The following TTN variants were observed in gnomAD, a reference collection of about 807,000 sequenced individuals.
The protein encoded by TTN is connectin.
TTN carries 1,525 observed loss-of-function variants against 3,223.0 expected under a neutral mutation model. That is an observed-to-expected ratio of 0.47 (90% CI 0.45 to 0.49). The LOEUF (loss-of-function observed/expected upper bound fraction) is 0.49, where lower values mean the gene tolerates loss of function less well. TTN is among the 20% of genes least tolerant of loss of function. The probability of loss-of-function intolerance (pLI) is 0.00; values close to 1 mark genes in which losing one functional copy is unlikely to be tolerated. For missense variants in TTN, 40,786 were observed against 43,424.0 expected (o/e 0.94, Z 5.40); for synonymous variants, 14,094 against 15,161.0 (o/e 0.93, Z 5.17).
Position 178,747,398 on chromosome 2 carries a change from T to A in TTN, c.11312-5477A>T, listed in dbSNP as rs727504519. On this transcript the variant is annotated intron_variant, in intron 47 of 362. Coordinates refer to ENST00000589042, the MANE Select transcript of TTN (RefSeq NM_001267550.2). The stretch of plus-strand genomic sequence containing the variant: ...AGGATTAAAATATAAGTCAGGGGAC[T>A]TTGGAGATTCAAAATATTCAACAGA... The A allele has an allele frequency of 2.5e-6, 4 of 1,613,394 alleles. No homozygotes were observed. Among genetic ancestry groups the A allele is most frequent in the Non-Finnish European group, 3.4e-6 (4 of 1,179,606 alleles).
chr2:178,645,830 A>G (rs956509518), intron 217 of TTN, 90 bp downstream of exon 217: 25 of 785,504 alleles, frequency 3.2e-5, no homozygotes, highest in Middle Eastern at 5.2e-4. Flanking sequence ...CACACTTCTA[A>G]AAGTCATACA....
At position 178,587,582 on chromosome 2, in the gene TTN, T is replaced by A; in HGVS notation, c.63727A>T (p.Lys21243Ter). 1 of 1,612,580 alleles carries A rather than the reference T, an allele frequency of 6.2e-7. No homozygotes were observed. Residue 21243 changes from lysine (K) to a stop codon, truncating the protein, a stop_gained, in exon 306 of 363, where the codon AAA (lysine) becomes TAA (stop). Coordinates refer to ENST00000589042, the MANE Select transcript of TTN (RefSeq NM_001267550.2). LOFTEE classifies it high-confidence loss of function. Reference sequence around the variant, plus strand: ...GGGTTCACAAGTGTTAAGGAATATTTTCCTGAGTCATCACGGGTAGAATTG... The same window carrying A: ...GGGTTCACAAGTGTTAAGGAATATTATCCTGAGTCATCACGGGTAGAATTG... ...IPNSTRDDSG[K>*]YSLTLVNPAG...
intron 45 of TTN, among the ~76,000 whole-genome samples, chr2:178,757,162 A>AATACTGTACTTGCTTTAAGTAC (rs2087335508): frequency 1.3e-5 from 2 of 151,150 alleles, no homozygotes; most frequent in African/African-American, 2.5e-5. Context: ...TAAGTACAGT[A>AATACTGTACTTGCTTTAAGTAC]AGTAATACTG....
Position 178,598,547 on chromosome 2 carries a change from T to C in TTN, c.57070A>G (p.Ile19024Val), listed in dbSNP as rs876658068. The change falls in exon 292 of 363, where the codon ATC becomes GTC. Residue 19024 changes from isoleucine (I) to valine (V), a missense_variant. Ile to Val is a conservative substitution (Grantham distance 29, BLOSUM62 3). Transcript: ENST00000589042. Reference sequence around the variant, plus strand: ...TTTCCTTCTTCTTTATATTCAACGATGTATCCAGTTACTTTGGATCCACCA... The same window carrying C: ...TTTCCTTCTTCTTTATATTCAACGACGTATCCAGTTACTTTGGATCCACCA... Reference protein sequence around the residue: ...KDGGSKVTGYIVEYKEEGKEE... With the variant: ...KDGGSKVTGYVVEYKEEGKEE... 6 of 1,609,442 alleles carry C rather than the reference T, an allele frequency of 3.7e-6. No individual in the cohort carries two copies. The highest frequency in any genetic ancestry group is 3.4e-5 in the Admixed American group (2 of 58,960).
intron 31 of TTN, 51 bp downstream of exon 31, chr2:178,773,785 GTT>G (rs1475682587): frequency 6.2e-7 from 1 of 1,613,912 alleles, no homozygotes; most frequent in African/African-American, 1.3e-5. Context: ...GCTCCTTGAA[GTT>G]CTTTATGTTG....
In TTN at chr2:178,547,993, G is replaced by A. The variant is rs1362462843; in HGVS notation, c.93633C>T (p.Ile31211=). The A allele has an allele frequency of 3.1e-6, 5 of 1,613,478 alleles. No homozygotes were observed. In the African/African-American group the frequency reaches 4.0e-5, roughly 13 times the overall value. The change falls in exon 339 of 363, where the codon ATC becomes ATT. Residue 31211 remains isoleucine, a synonymous_variant. Coordinates refer to ENST00000589042, the MANE Select transcript of TTN (RefSeq NM_001267550.2). ...FSSVIIKEPQ[I]EPTADLTGIT... ...TTCCAGTGAGGTCAGCAGTGGGCTC[G>A]ATTTGAGGCTCCTTAATGATGACAG...
At chr2:178,747,265 A>G (rs2154326705) in intron 47 of TTN, 1 of 1,612,824 alleles carries the variant, frequency 6.2e-7, no homozygotes, top group Non-Finnish European at 8.5e-7. Flanking sequence ...CTCCTACCTC[A>G]CCTTCGGAAG....
At chr2:178,688,923 A>G (rs2071578799) in intron 125 of TTN, 130 bp downstream of exon 125, 3 of 1,199,070 alleles carry the variant, frequency 2.5e-6, no homozygotes, top group South Asian at 1.4e-5. Context: ...CATAAACACA[A>G]AAGTTTCACT....
rs1553999983 is a variant in TTN, at chr2:178,773,207, A to AT, written c.7756dup (p.Ile2586AsnfsTer3). ...CATATTTAGAACTGTCAATTTATATATTTTTCCATGTGCTTCAATTTTATA... is the reference window on the plus strand; with the variant it reads ...CATATTTAGAACTGTCAATTTATATATTTTTTCCATGTGCTTCAATTTTATA... On this transcript the variant is annotated frameshift_variant, in exon 33 of 363. Coordinates refer to ENST00000589042, the MANE Select transcript of TTN (RefSeq NM_001267550.2). LOFTEE classifies it high-confidence loss of function. 6.2e-7 allele frequency: 1 copy of AT among 1,613,638 alleles called. No homozygotes were observed. Among genetic ancestry groups the AT allele is most frequent in the Non-Finnish European group, 8.5e-7 (1 of 1,179,854 alleles).
rs772354003 is a variant in TTN at position 178,749,641 on chromosome 2, A to G, written c.11311+3483T>C. The G allele has an allele frequency of 8.1e-6, 13 of 1,612,602 alleles. No homozygotes were observed. Among genetic ancestry groups the G allele is most frequent in the South Asian group, 4.4e-5 (4 of 90,970 alleles). On this transcript the variant is annotated intron_variant, in intron 47 of 362. Coordinates refer to ENST00000589042, the MANE Select transcript of TTN (RefSeq NM_001267550.2). ...TATTTTCGAATTGACTATTTTCTCT[A>G]TAAGTGACAGGCTCCACTGTTAGAT... is the stretch of plus-strand genomic sequence containing the variant.
Position 178,756,697 on chromosome 2 carries a change from T to C in TTN, c.10779A>G (p.Ile3593Met). 3 of 1,613,868 alleles carry C rather than the reference T, an allele frequency of 1.9e-6. No homozygotes were observed. Among genetic ancestry groups the C allele is most frequent in the South Asian group, 2.2e-5 (2 of 91,088 alleles). ...GAAATGACTTAATTTCCTTTTGAGA[T>C]ATTTTGCTCTCCTCCTTTGTGAAAG... Reference protein sequence around the residue: ...DSSFTKEESKISQKEIKSFQG... With the variant: ...DSSFTKEESKMSQKEIKSFQG... Residue 3593 changes from isoleucine (I) to methionine (M), a missense_variant, in exon 46 of 363, where the codon ATA becomes ATG. Transcript: ENST00000589042.
chr2:178,790,855 A>G lies in TTN; in HGVS notation c.1663-10T>C. 2 of 1,613,924 alleles carry G rather than the reference A, an allele frequency of 1.2e-6. No individual in the cohort carries two copies. The highest frequency in any genetic ancestry group is 1.7e-6 in the Non-Finnish European group (2 of 1,179,952). Reference sequence around the variant, plus strand: ...CAGTTTCCTGTCTTATCTGATGTTTAGAGTAAAATAAAGATTTGAGTTTCA... The same window carrying G: ...CAGTTTCCTGTCTTATCTGATGTTTGGAGTAAAATAAAGATTTGAGTTTCA... On this transcript the variant is annotated splice_polypyrimidine_tract_variant and intron_variant, in intron 10 of 362. Coordinates refer to ENST00000589042, the MANE Select transcript of TTN (RefSeq NM_001267550.2).
intron 125 of TTN, 105 bp downstream of exon 125, chr2:178,688,948 G>A: frequency 8.0e-7 from 1 of 1,244,746 alleles, no homozygotes. Flanking sequence ...GTGAGACAAT[G>A]GATCAGTATA....
rs1235957959 is a variant in TTN at position 178,534,983 on chromosome 2, G to A, written c.101632C>T (p.Leu33878Phe). The A allele has an allele frequency of 6.2e-7, 1 of 1,613,538 alleles. No individual in the cohort carries two copies. Among genetic ancestry groups the A allele is most frequent in the Non-Finnish European group, 8.5e-7 (1 of 1,179,800 alleles). The change falls in exon 358 of 363, where the codon CTC becomes TTC. Residue 33878 changes from leucine (L) to phenylalanine (F), a missense_variant. Leu to Phe is a conservative substitution (Grantham distance 22, BLOSUM62 0). Coordinates refer to ENST00000589042, the MANE Select transcript of TTN (RefSeq NM_001267550.2). Reference sequence around the variant, plus strand: ...TCCATGCTTTCAAATGATTCATGGAGGTGTAAGATGTTTCTATGCCTAGCA... The same window carrying A: ...TCCATGCTTTCAAATGATTCATGGAAGTGTAAGATGTTTCTATGCCTAGCA... ...NIARHRNILH[L>F]HESFESMEEL...
Position 178,532,950 on chromosome 2 carries a change from T to G in TTN, c.103665A>C (p.Glu34555Asp), listed in dbSNP as rs772111069. 3 of 1,613,802 alleles carry G rather than the reference T, an allele frequency of 1.9e-6. No homozygotes were observed. The highest frequency in any genetic ancestry group is 1.7e-6 in the Non-Finnish European group (2 of 1,179,766). ...PRKYKQTTIEEDQRIKQFVPM... is the reference protein window; with the variant it reads ...PRKYKQTTIEDDQRIKQFVPM... The stretch of plus-strand genomic sequence containing the variant: ...GCACGAACTGCTTGATGCGTTGGTC[T>G]TCTTCTATGGTAGTCTGCTTATACT... The change falls in exon 358 of 363, where the codon GAA (glutamate) becomes GAC (aspartate). Residue 34555 changes from glutamate to aspartate, a missense_variant. Physicochemically the swap from Glu to Asp is conservative, Grantham distance 45. Transcript: ENST00000589042.
chr2:178,611,737 T>G, intron 268 of TTN, 21 bp downstream of exon 268: 1 of 1,611,322 alleles, frequency 6.2e-7, no homozygotes. Flanking sequence ...CAATATCTTG[T>G]GTATAATCAG....
rs766117970 is a variant in TTN, at chr2:178,530,783, G to T, written c.105832C>A (p.Gln35278Lys). 6.2e-7 allele frequency: 1 copy of T among 1,613,874 alleles called. No individual in the cohort carries two copies. The highest frequency in any genetic ancestry group is 1.1e-5 in the South Asian group (1 of 91,062). ...ETKPTPTEKV[Q>K]HLPVSAPPKI... Reference sequence around the variant, plus strand: ...GGTGGGGCAGAGACTGGGAGGTGCTGAACTTTCTCTGTTGGTGTTGGTTTT... The same window carrying T: ...GGTGGGGCAGAGACTGGGAGGTGCTTAACTTTCTCTGTTGGTGTTGGTTTT... The change falls in exon 358 of 363, where the codon CAG (glutamine) becomes AAG (lysine). Residue 35278 changes from glutamine to lysine, a missense_variant. Transcript: ENST00000589042.
chr2:178,600,798 A>G (rs777529964), intron 288 of TTN, 56 bp downstream of exon 288: 30 of 1,599,878 alleles, frequency 1.9e-5, no homozygotes, highest in Non-Finnish European at 2.5e-5. Flanking sequence ...CTATTATTGA[A>G]CACCTAGGAA....
rs1300155629 is a variant in TTN, at chr2:178,538,779, A to T, written c.99050T>A (p.Leu33017Gln). The change falls in exon 354 of 363, where the codon CTA becomes CAA. Residue 33017 changes from leucine (L) to glutamine (Q), a missense_variant. Physicochemically the swap from Leu to Gln is moderately radical, Grantham distance 113. Coordinates refer to ENST00000589042, the MANE Select transcript of TTN (RefSeq NM_001267550.2). ...ATCACATTCAGGTTTCTCCCACTGT[A>T]GAGTGACACTATCTTTGGATATTGA... ...ILSISKDSVT[L>Q]QWEKPECDGG... 3 of 1,613,692 alleles carry T rather than the reference A, an allele frequency of 1.9e-6. No individual in the cohort carries two copies. The South Asian group carries it at 3.3e-5, about 18-fold the overall frequency.
Sources: gnomAD v4.1 joint callset for allele counts (sites outside exome capture counted in the v4.1 genomes callset) on GRCh38, gnomAD v4.1.1 for gene constraint, MANE v1.5 for transcripts, NCBI Gene and HGNC (gene_info 2026-07-23, HGNC 2026-07-21) for gene names.